The following BTD variants were observed in gnomAD, a reference collection of about 807,000 sequenced individuals.
BTD encodes the protein biocytinase.
BTD carries 13 observed loss-of-function variants against 17.7 expected under a neutral mutation model. The ratio of observed to expected loss-of-function variants is 0.74; its 90% CI spans 0.48 to 1.17. The LOEUF is 1.17. Among genes scored for constraint, BTD ranks in the 50% most tolerant of loss-of-function variants. BTD has a pLI of 0.00. For synonymous variants in BTD, 240 were observed against 245.2 expected, an observed-to-expected ratio of 0.98 and a Z score of 0.20; for missense variants, 674 against 650.4, an observed-to-expected ratio of 1.04 and a Z score of -0.39.
intron 3 of BTD, chr3:15,668,352 TTGA>T (rs2066086266): frequency 6.6e-6 from 1 of 151,224 alleles, no homozygotes; most frequent in African/African-American, 2.5e-5. Flanking sequence ...TAGAATCTGC[TTGA>T]TTTTTTTTTT....
intron 3 of BTD, among the ~76,000 whole-genome samples, chr3:15,666,000 A>C (rs1269471712): frequency 6.6e-6 from 1 of 152,170 alleles, no homozygotes; most frequent in African/African-American, 2.4e-5. Flanking sequence ...TAAACAACTT[A>C]GATTTGGGGT....
At chr3:15,700,828 GA>G (rs1049782485) in intron 3 of BTD, among the ~76,000 whole-genome samples, 3 of 150,184 alleles carry the variant, frequency 2.0e-5, no homozygotes, top group Admixed American at 2.0e-4. Flanking sequence ...TATTACAGCA[GA>G]AAAAAAAAGC....
intron 3 of BTD, 42 bp from the exon 4 acceptor site, chr3:15,644,274 A>G (rs2065625614): frequency 6.3e-7 from 1 of 1,584,278 alleles, no homozygotes; most frequent in Admixed American, 1.8e-5. Flanking sequence ...TGCTGGGATT[A>G]CAGGCAAAAA....
At chr3:15,718,482 T>G (rs940608808) in intron 4 of BTD, among the ~76,000 whole-genome samples, 1 of 152,180 alleles carries the variant, frequency 6.6e-6, no homozygotes. Flanking sequence ...AGTGGGCCTC[T>G]TAGAGGACTG....
intron 3 of BTD, among the ~76,000 whole-genome samples, chr3:15,666,657 C>A (rs1203393393): frequency 6.6e-6 from 1 of 150,410 alleles, no homozygotes; most frequent in Admixed American, 6.7e-5. Context: ...TAATCTTGTA[C>A]GTGTTTCCAA....
chr3:15,642,970 G>T (rs1388652355), intron 3 of BTD, among the ~76,000 whole-genome samples: 5 of 150,178 alleles, frequency 3.3e-5, no homozygotes, highest in Admixed American at 2.0e-4. Context: ...AGGAGTTGCG[G>T]TGAGAAAGAT....
chr3:15,697,428 CT>C lies in BTD; in HGVS notation c.400-12630del, dbSNP rs764253365. The C allele has an allele frequency of 3.3e-5, 5 of 152,196 alleles. No individual in the cohort carries two copies. In the East Asian group the frequency reaches 5.8e-4, roughly 18 times the overall value. 9.4% of individuals were successfully genotyped at this position (152,196 alleles called of 1,614,324 possible). ...AATCTCAGAAATCATCAATAAAGAA[CT>C]TATCTATGTAACCAAAAACCACCTG... is the stretch of plus-strand genomic sequence containing the variant. On this transcript the variant is annotated intron_variant, in intron 3 of 3. Coordinates refer to the BTD transcript ENST00000672141.
At chr3:15,712,594 G>T (rs891833406) in exon 4 of BTD, among the ~76,000 whole-genome samples, 1 of 152,140 alleles carries the variant, frequency 6.6e-6, no homozygotes, top group African/African-American at 2.4e-5. Context: ...CTGGACATTT[G>T]CTTAGGGAGC....
intron 3 of BTD, among the ~76,000 whole-genome samples, chr3:15,707,695 T>C (rs1030195687): frequency 1.3e-5 from 2 of 152,234 alleles, no homozygotes; most frequent in Admixed American, 6.5e-5. Flanking sequence ...AAGGGACCTT[T>C]ATCTTTCTTC....
intron 1 of BTD, among the ~76,000 whole-genome samples, chr3:15,609,982 T>G (rs1230979452): frequency 6.6e-5 from 10 of 152,134 alleles, no homozygotes; most frequent in Admixed American, 6.5e-4. Context: ...AAGTGTAAAG[T>G]TTTATTTTTC....
rs186858471 is a variant in BTD at position 15,613,966 on chromosome 3, C to T, written c.-17+12072C>T. ...AGATTTTTTTCTTCTTCAAATATTT[C>T]GTGTTCTGGTTTCTTTATGTTGTGT... On this transcript the variant is annotated intron_variant, in intron 1 of 3. Coordinates refer to ENST00000643237, the MANE Select transcript of BTD (RefSeq NM_001370658.1). Among the ~76,000 whole-genome samples, 28 of 151,944 alleles carry T rather than the reference C, an allele frequency of 1.8e-4. No individual in the cohort carries two copies. In the Middle Eastern group the frequency reaches 0.01, roughly 55 times the overall value.
intron 3 of BTD, among the ~76,000 whole-genome samples, chr3:15,665,866 T>C (rs1252796811): frequency 6.6e-6 from 1 of 152,120 alleles, no homozygotes; most frequent in Non-Finnish European, 1.5e-5. Context: ...AGAATGAACA[T>C]AGATGGGAGC....
In BTD at chr3:15,664,789, A is replaced by T. The variant is rs1056163622; in HGVS notation, c.399+22732A>T. On this transcript the variant is annotated intron_variant, in intron 3 of 3. Transcript: ENST00000672141. ...GGTAAAGAGAAAGAAATATAAGATT[A>T]AATTACTATTTTTTTCAATGAAAAC... Among the ~76,000 whole-genome samples, 7 of 152,330 alleles carry T rather than the reference A, an allele frequency of 4.6e-5. No individual in the cohort carries two copies. The South Asian group carries it at 1.4e-3, about 32-fold the overall frequency.
At chr3:15,606,031 AGAC>A (rs776782678) in intron 1 of BTD, among the ~76,000 whole-genome samples, 6 of 72,940 alleles carry the variant, frequency 8.2e-5, no homozygotes, top group African/African-American at 2.9e-4. Context: ...TGACAGAGCG[AGAC>A]CCTGTCTCAA....
chr3:15,633,090 A>G (rs960013121), intron 1 of BTD, among the ~76,000 whole-genome samples: 1 of 152,182 alleles, frequency 6.6e-6, no homozygotes, highest in African/African-American at 2.4e-5. Flanking sequence ...AATCATCTCT[A>G]GATCCCTTAC....
intron 3 of BTD, chr3:15,676,855 T>C: frequency 7.0e-6 from 5 of 714,658 alleles, no homozygotes; most frequent in Non-Finnish European, 1.1e-5. Flanking sequence ...TGTAAAACTA[T>C]TAAAATTGCT....
intron 3 of BTD, chr3:15,709,867 A>T: frequency 1.8e-6 from 1 of 568,238 alleles, no homozygotes; most frequent in Non-Finnish European, 3.1e-6. Flanking sequence ...TTTACATTCT[A>T]TGAAGAATAA....
chr3:15,674,757 A>C lies in BTD; in HGVS notation c.399+32700A>C, dbSNP rs562675082. Among the ~76,000 whole-genome samples the C allele has an allele frequency of 2.0e-5, 3 of 152,330 alleles. No individual in the cohort carries two copies. In the South Asian group the frequency reaches 6.2e-4, roughly 32 times the overall value. On this transcript the variant is annotated intron_variant, in intron 3 of 3. Coordinates refer to the BTD transcript ENST00000672141. ...AAGAAATTAAGAAGGAATAACTAGTAATGTAGAAGGAAAACCAAGGAAGAG... is the reference window on the plus strand; with the variant it reads ...AAGAAATTAAGAAGGAATAACTAGTCATGTAGAAGGAAAACCAAGGAAGAG...
In BTD at chr3:15,705,776, C is replaced by T. The variant is rs980168322; in HGVS notation, c.400-4284C>T. The stretch of plus-strand genomic sequence containing the variant: ...CAGCATTTTGGAAGGCCAAGGTGGG[C>T]GGATCACTTAGGTCAGGAGTTTGAG... On this transcript the variant is annotated intron_variant, in intron 3 of 3. Coordinates refer to the BTD transcript ENST00000672141. 5.9e-5 allele frequency among the ~76,000 whole-genome samples: 9 copies of T among 152,236 alleles called. No homozygotes were observed. In the East Asian group the frequency reaches 7.7e-4, roughly 13 times the overall value.
Sources: gnomAD v4.1 joint callset for allele counts (sites outside exome capture counted in the v4.1 genomes callset) on GRCh38, gnomAD v4.1.1 for gene constraint, MANE v1.5 for transcripts, NCBI Gene and HGNC (gene_info 2026-07-23, HGNC 2026-07-21) for gene names.